C17orf67: variants seen among roughly 807,000 people sequenced by gnomAD.
C17orf67 encodes the protein uncharacterized protein C17orf67.
A neutral mutation model predicts 11.2 loss-of-function variants in C17orf67; 12 were observed. That is an observed-to-expected ratio of 1.07 (90% CI 0.68 to 1.73). The LOEUF (loss-of-function observed/expected upper bound fraction) is 1.73. C17orf67 is among the 40% of genes most tolerant of loss of function. C17orf67 has a pLI of 0.00. For synonymous variants in C17orf67, 59 were observed against 46.9 expected (o/e 1.26, Z -1.05); for missense variants, 115 against 113.5 (o/e 1.01, Z -0.06).
intron 6 of C17orf67, among the ~76,000 whole-genome samples, chr17:56,805,917 C>A (rs892993813): frequency 2.7e-5 from 4 of 148,470 alleles, no homozygotes; most frequent in Admixed American, 2.7e-4. Context: ...AAAAGAAATA[C>A]ATTTTTTAAA....
chr17:56,830,451 T>C (rs1906167266), intron 2 of C17orf67, among the ~76,000 whole-genome samples: 1 of 152,050 alleles, frequency 6.6e-6, no homozygotes, highest in African/African-American at 2.4e-5. Flanking sequence ...TAGATTCAAA[T>C]AGTGGATATT....
At chr17:56,827,932 C>T (rs1229825297) in intron 2 of C17orf67, among the ~76,000 whole-genome samples, 2 of 152,112 alleles carry the variant, frequency 1.3e-5, no homozygotes, top group South Asian at 4.2e-4. Context: ...CTGGGCCGGT[C>T]GCAGTGGCTC....
chr17:56,803,140 C>T (rs537913001), intron 6 of C17orf67, among the ~76,000 whole-genome samples: 1 of 152,340 alleles, frequency 6.6e-6, no homozygotes, highest in South Asian at 2.1e-4. Context: ...AGTACTTCTG[C>T]TGTATGACAA....
intron 7 of C17orf67, among the ~76,000 whole-genome samples, chr17:56,792,699 A>G (rs1427666833): frequency 2.4e-5 from 1 of 41,262 alleles, no homozygotes; most frequent in East Asian, 6.8e-4. Context: ...TGATGGTGGC[A>G]ATGGTGACGA....
intron 4 of C17orf67, among the ~76,000 whole-genome samples, chr17:56,816,410 T>C (rs1188682433): frequency 6.6e-6 from 1 of 152,150 alleles, no homozygotes; most frequent in Non-Finnish European, 1.5e-5. Flanking sequence ...TGAACTTCAG[T>C]TTCCTCCCCT....
chr17:56,820,562 T>G (rs1038844193), intron 4 of C17orf67, among the ~76,000 whole-genome samples: 26 of 152,126 alleles, frequency 1.7e-4, no homozygotes, highest in African/African-American at 6.3e-4. Context: ...GGAAAGAACA[T>G]GCAAACTCCA....
intron 6 of C17orf67, among the ~76,000 whole-genome samples, chr17:56,813,823 TATA>T (rs897801628): frequency 4.2e-4 from 64 of 151,404 alleles, no homozygotes; most frequent in East Asian, 9.7e-4. Context: ...CATTATTATT[TATA>T]ATAATAATAT....
intron 6 of C17orf67, among the ~76,000 whole-genome samples, chr17:56,801,155 A>G (rs549541626): frequency 6.6e-5 from 10 of 152,358 alleles, no homozygotes; most frequent in African/African-American, 2.2e-4. Flanking sequence ...CCTGAAGGAA[A>G]TGTTGGTGCT....
At chr17:56,808,081 G>A (rs1045682679) in intron 6 of C17orf67, among the ~76,000 whole-genome samples, 1 of 151,980 alleles carries the variant, frequency 6.6e-6, no homozygotes, top group Non-Finnish European at 1.5e-5. Context: ...TGAAAATGTG[G>A]GGTCAAGTTT....
chr17:56,816,475 A>C (rs1597995874), intron 4 of C17orf67, among the ~76,000 whole-genome samples: 2 of 152,346 alleles, frequency 1.3e-5, no homozygotes, highest in East Asian at 3.9e-4. Context: ...GATGAGGGGA[A>C]AGCTATGACC....
rs572716111 is a variant in C17orf67, at chr17:56,812,582, G to A, written c.156+2287C>T. Among the ~76,000 whole-genome samples, 14 of 152,254 alleles carry A rather than the reference G, an allele frequency of 9.2e-5. No homozygotes were observed. The East Asian group carries it at 1.3e-3, about 15-fold the overall frequency. ...CATTGGATGAAGTGTCTCTGAGAGG[G>A]ACATGGAGGATGGGATGGTGGCTCA... is the stretch of plus-strand genomic sequence containing the variant. On this transcript the variant is annotated intron_variant, in intron 6 of 7. Coordinates refer to ENST00000397861, the MANE Select transcript of C17orf67 (RefSeq NM_001085430.4).
intron 6 of C17orf67, among the ~76,000 whole-genome samples, chr17:56,798,543 G>C (rs139768033): frequency 1.3e-5 from 2 of 151,996 alleles, no homozygotes; most frequent in Non-Finnish European, 2.9e-5. Context: ...ACAAATGCAT[G>C]GCAGTCGGGC....
intron 4 of C17orf67, among the ~76,000 whole-genome samples, chr17:56,818,446 G>A (rs1905815159): frequency 6.6e-6 from 1 of 152,050 alleles, no homozygotes; most frequent in African/African-American, 2.4e-5. Flanking sequence ...GATCACTTGA[G>A]CCCGGGAGTT....
At chr17:56,827,109 T>C (rs1037385917) in intron 2 of C17orf67, among the ~76,000 whole-genome samples, 5 of 152,226 alleles carry the variant, frequency 3.3e-5, no homozygotes, top group Non-Finnish European at 7.3e-5. Flanking sequence ...CTTTAGTATA[T>C]AACATTCTCA....
At chr17:56,798,674 A>G (rs1394238405) in intron 6 of C17orf67, among the ~76,000 whole-genome samples, 1 of 3,556 alleles carries the variant, frequency 2.8e-4, no homozygotes, top group Non-Finnish European at 8.1e-4. Flanking sequence ...CCAAAAATAC[A>G]AAAAAAAAAA....
At chr17:56,831,309 T>C (rs1470728575) in intron 2 of C17orf67, among the ~76,000 whole-genome samples, 2 of 152,012 alleles carry the variant, frequency 1.3e-5, no homozygotes, top group Non-Finnish European at 2.9e-5. Flanking sequence ...GGAGTCAGGA[T>C]GAGGACAAGG....
At position 56,823,874 on chromosome 17, in the gene C17orf67, A is replaced by C. The variant is rs192053757; in HGVS notation, c.-201+865T>G. On this transcript the variant is annotated intron_variant, in intron 4 of 7. Coordinates refer to ENST00000397861, the MANE Select transcript of C17orf67 (RefSeq NM_001085430.4). ...ACATCCAGACAATGGAATATTATTC[A>C]GCACTAAAAAAAAATGAGCTATCAG... 4.5e-3 allele frequency among the ~76,000 whole-genome samples: 678 copies of C among 152,306 alleles called. 9 individuals are homozygous for C. The highest frequency in any genetic ancestry group is 0.015 in the African/African-American group (643 of 41,584).
chr17:56,807,672 C>G (rs999221118), intron 6 of C17orf67, among the ~76,000 whole-genome samples: 1 of 152,146 alleles, frequency 6.6e-6, no homozygotes, highest in African/African-American at 2.4e-5. Flanking sequence ...CCCTTCTTTT[C>G]GCACAGCCTG....
At chr17:56,825,004 A>G (rs1384205076) in intron 3 of C17orf67, 77 bp downstream of exon 3, 1 of 152,256 alleles carries the variant, frequency 6.6e-6, no homozygotes, top group East Asian at 1.9e-4. Context: ...TTAAAACCGT[A>G]TATGTGTTTT....
Sources: gnomAD v4.1 joint callset for allele counts (sites outside exome capture counted in the v4.1 genomes callset) on GRCh38, gnomAD v4.1.1 for gene constraint, MANE v1.5 for transcripts, NCBI Gene and HGNC (gene_info 2026-07-23, HGNC 2026-07-21) for gene names.